SCD5: variants seen among roughly 807,000 people sequenced by gnomAD.
SCD5 encodes acyl-CoA-desaturase 4.
A neutral mutation model predicts 30.4 loss-of-function variants in SCD5; 20 were observed. The observed-to-expected ratio is 0.66, with a 90% confidence interval of 0.46 to 0.96. The LOEUF is 0.96. Ranked by LOEUF, SCD5 falls within the 40% of genes least tolerant of loss-of-function variation. The pLI is 0.00. For missense variants in SCD5, 381 were observed against 443.3 expected, an observed-to-expected ratio of 0.86 and a Z score of 1.26; for synonymous variants, 173 against 176.4, an observed-to-expected ratio of 0.98 and a Z score of 0.16.
chr4:82,751,243 T>C (rs1364294181), intron 1 of SCD5, among the ~76,000 whole-genome samples: 1 of 152,198 alleles, frequency 6.6e-6, no homozygotes, highest in Non-Finnish European at 1.5e-5. Flanking sequence ...TCGCTCAGGC[T>C]GGAGTGCAGT....
At chr4:82,703,153 G>A (rs1719890177) in intron 2 of SCD5, among the ~76,000 whole-genome samples, 1 of 152,216 alleles carries the variant, frequency 6.6e-6, no homozygotes, top group African/African-American at 2.4e-5. Flanking sequence ...CTGCCACATA[G>A]TAGGTGCTCA....
chr4:82,785,849 T>C (rs1323409316), intron 1 of SCD5, among the ~76,000 whole-genome samples: 6 of 152,150 alleles, frequency 3.9e-5, no homozygotes. Flanking sequence ...AATATCTCCT[T>C]TTGCTAACAG....
chr4:82,676,996 T>C (rs959698890), intron 3 of SCD5, among the ~76,000 whole-genome samples: 48 of 152,236 alleles, frequency 3.2e-4, no homozygotes, highest in African/African-American at 1.1e-3. Context: ...TCCATGAGAC[T>C]GTAAAATGGA....
intron 1 of SCD5, among the ~76,000 whole-genome samples, chr4:82,748,403 T>C (rs1012840458): frequency 6.6e-6 from 1 of 152,168 alleles, no homozygotes; most frequent in Non-Finnish European, 1.5e-5. Flanking sequence ...TTGGACCAGC[T>C]GGATGAGGAC....
chr4:82,773,530 C>G (rs2148849239), intron 1 of SCD5, among the ~76,000 whole-genome samples: 1 of 152,262 alleles, frequency 6.6e-6, no homozygotes, highest in Admixed American at 6.5e-5. Flanking sequence ...AACTGAGTAC[C>G]CCCACCTCGT....
chr4:82,759,197 G>C (rs1721294890), intron 1 of SCD5, among the ~76,000 whole-genome samples: 1 of 152,220 alleles, frequency 6.6e-6, no homozygotes, highest in Non-Finnish European at 1.5e-5. Context: ...GCAGGGAATT[G>C]AGTTCATTCT....
At chr4:82,631,701 G>GA (rs1727298444) in intron 4 of SCD5, among the ~76,000 whole-genome samples, 184 bp from the exon 5 acceptor site, 1 of 152,146 alleles carries the variant, frequency 6.6e-6, no homozygotes, top group Non-Finnish European at 1.5e-5. Context: ...AATATGAACA[G>GA]AAAAAATAGC....
chr4:82,738,215 C>T lies in SCD5; in HGVS notation c.233-32802G>A, dbSNP rs150181443. Among the ~76,000 whole-genome samples the T allele has an allele frequency of 6.1e-3, 922 of 152,216 alleles. 18 individuals carry two copies. Among genetic ancestry groups the T allele is most frequent in the African/African-American group, 0.021 (853 of 41,544 alleles). ...GCGGGCGGATCACGAGGTCAAGAGA[C>T]GGAGACTGACCATCCTGGCCAACAT... On this transcript the variant is annotated intron_variant, in intron 1 of 4. Transcript: ENST00000319540.
intron 1 of SCD5, among the ~76,000 whole-genome samples, chr4:82,756,449 G>C (rs1721235681): frequency 6.6e-6 from 1 of 152,184 alleles, no homozygotes; most frequent in South Asian, 2.1e-4. Context: ...CTTTAGGCTG[G>C]GCAAGGTGGC....
At chr4:82,716,963 G>A (rs1226181849) in intron 1 of SCD5, among the ~76,000 whole-genome samples, 1 of 151,562 alleles carries the variant, frequency 6.6e-6, no homozygotes, top group African/African-American at 2.4e-5. Context: ...ACATTGTTTT[G>A]GGTATTATAA....
chr4:82,736,835 T>A (rs887092720), intron 1 of SCD5, among the ~76,000 whole-genome samples: 12 of 151,934 alleles, frequency 7.9e-5, no homozygotes, highest in South Asian at 4.2e-4. Flanking sequence ...GCTAATTTTT[T>A]AAAAAAATTT....
chr4:82,748,120 A>T (rs1721031002), intron 1 of SCD5, among the ~76,000 whole-genome samples: 1 of 152,224 alleles, frequency 6.6e-6, no homozygotes, highest in Non-Finnish European at 1.5e-5. Context: ...GAGGAATTTA[A>T]TCAGTTCCTT....
At chr4:82,687,378 T>C (rs1728734726) in intron 2 of SCD5, among the ~76,000 whole-genome samples, 1 of 152,216 alleles carries the variant, frequency 6.6e-6, no homozygotes, top group African/African-American at 2.4e-5. Context: ...GTCTGTGTTT[T>C]GTAAATTTTT....
chr4:82,636,564 C>G (rs1727434564), intron 4 of SCD5, 27 bp downstream of exon 4: 4 of 1,574,664 alleles, frequency 2.5e-6, no homozygotes, highest in Non-Finnish European at 1.7e-6. Context: ...ACCATTCTCC[C>G]CATTGGCCCT....
intron 2 of SCD5, among the ~76,000 whole-genome samples, chr4:82,694,002 G>T (rs1335788032): frequency 5.3e-5 from 8 of 152,210 alleles, no homozygotes. Context: ...GCAGGGTCTG[G>T]CTGCTGGGAT....
chr4:82,638,544 T>G (rs996319785), intron 3 of SCD5, among the ~76,000 whole-genome samples: 3 of 152,220 alleles, frequency 2.0e-5, no homozygotes, highest in African/African-American at 7.2e-5. Flanking sequence ...CAATACCTCC[T>G]TGGCATCAAG....
At chr4:82,697,938 G>A (rs936395283) in intron 2 of SCD5, 2 of 450,842 alleles carry the variant, frequency 4.4e-6, no homozygotes, top group African/African-American at 4.0e-5. Flanking sequence ...CTTTTCTCAT[G>A]ACTTCCAAAT....
At chr4:82,763,576 T>C (rs1239405813) in intron 1 of SCD5, among the ~76,000 whole-genome samples, 1 of 152,114 alleles carries the variant, frequency 6.6e-6, no homozygotes, top group Non-Finnish European at 1.5e-5. Context: ...ACTGGCATCA[T>C]AAGAGGAGAA....
Position 82,630,982 on chromosome 4 carries a change from G to C in SCD5, c.*345C>G, listed in dbSNP as rs1727277794. ...AAAAATTAGCTGGGTGTGGTGGCAG[G>C]CTCCTGTAATCTCAGCTACTCAGGA... On this transcript the variant is annotated 3_prime_UTR_variant, in exon 5 of 5. Coordinates refer to ENST00000319540, the MANE Select transcript of SCD5 (RefSeq NM_001037582.3). The C allele has an allele frequency of 6.2e-6, 1 of 162,442 alleles. No individual in the cohort carries two copies. The highest frequency in any genetic ancestry group is 6.4e-5 in the Admixed American group (1 of 15,704). 10.1% of individuals were successfully genotyped at this position (162,442 alleles called of 1,614,324 possible).
Sources: allele counts gnomAD v4.1 joint callset (sites outside exome capture counted in the v4.1 genomes callset), GRCh38; gene constraint gnomAD v4.1.1; transcripts MANE v1.5; gene names NCBI Gene and HGNC (gene_info 2026-07-23, HGNC 2026-07-21).